RBFOX1: variants seen among roughly 807,000 people sequenced by gnomAD.
The protein encoded by RBFOX1 is RNA binding protein fox-1 homolog 1.
Under a neutral mutation model 57.7 loss-of-function variants are expected in RBFOX1, and 8 were observed. The ratio of observed to expected loss-of-function variants is 0.14; its 90% CI spans 0.08 to 0.25. RBFOX1 has a LOEUF of 0.25. Among genes scored for constraint, RBFOX1 ranks in the 10% least tolerant of loss-of-function variants. The pLI, the probability that RBFOX1 is intolerant of heterozygous loss-of-function variation, is 1.00. For missense variants in RBFOX1, 611 were observed against 548.5 expected (o/e 1.11, Z -1.14); for synonymous variants, 326 against 222.4 (o/e 1.47, Z -4.15).
At chr16:5,761,576 G>C (rs2053591091) in intron 3 of RBFOX1, among the ~76,000 whole-genome samples, 1 of 152,066 alleles carries the variant, frequency 6.6e-6, no homozygotes, top group Admixed American at 6.6e-5. Flanking sequence ...CTTGTGTAGG[G>C]GAACTCCCCT....
At chr16:7,046,764 C>T (rs1184216634) in intron 3 of RBFOX1, among the ~76,000 whole-genome samples, 1 of 151,842 alleles carries the variant, frequency 6.6e-6, no homozygotes, top group Non-Finnish European at 1.5e-5. Context: ...CGCCATCATG[C>T]CCAGCTAATT....
intron 3 of RBFOX1, among the ~76,000 whole-genome samples, chr16:6,893,291 C>T (rs117717340): frequency 0.012 from 1,883 of 152,296 alleles, 21 homozygotes; most frequent in Non-Finnish European, 0.02. Context: ...TCTTAGATTA[C>T]TGGGAGTCGG....
At chr16:5,251,016 T>G (rs1469838784) in intron 1 of RBFOX1, among the ~76,000 whole-genome samples, 2 of 152,194 alleles carry the variant, frequency 1.3e-5, no homozygotes, top group African/African-American at 2.4e-5. Flanking sequence ...CTTCTGCAGA[T>G]GATGGCACGA....
intron 4 of RBFOX1, among the ~76,000 whole-genome samples, chr16:7,395,434 G>T (rs1257868067): frequency 3.9e-5 from 6 of 152,222 alleles, no homozygotes; most frequent in Non-Finnish European, 7.3e-5. Context: ...ATTAACTGTG[G>T]AGCCAGAAGT....
chr16:6,448,682 C>A (rs1187766232), intron 2 of RBFOX1, among the ~76,000 whole-genome samples: 2 of 152,124 alleles, frequency 1.3e-5, no homozygotes, highest in Admixed American at 1.3e-4. Context: ...ATGCTGTCTA[C>A]TCATGAGACT....
At chr16:6,841,752 AC>A (rs1412309895) in intron 3 of RBFOX1, among the ~76,000 whole-genome samples, 3 of 152,110 alleles carry the variant, frequency 2.0e-5, no homozygotes, top group Non-Finnish European at 4.4e-5. Context: ...CTCTACTTAA[AC>A]CTGGACCATG....
intron 3 of RBFOX1, among the ~76,000 whole-genome samples, chr16:5,646,079 G>C (rs1431345527): frequency 6.6e-6 from 1 of 151,880 alleles, no homozygotes; most frequent in Non-Finnish European, 1.5e-5. Flanking sequence ...GCCCAGGTTG[G>C]AGTACGGTGG....
intron 1 of RBFOX1, among the ~76,000 whole-genome samples, chr16:6,173,146 C>G (rs1474423520): frequency 6.6e-6 from 1 of 152,194 alleles, no homozygotes; most frequent in South Asian, 2.1e-4. Flanking sequence ...TTAGTCTCAT[C>G]TGCAAAGTCC....
At chr16:7,676,370 T>C (rs1302029125) in intron 13 of RBFOX1, among the ~76,000 whole-genome samples, 4 of 152,208 alleles carry the variant, frequency 2.6e-5, no homozygotes, top group Non-Finnish European at 5.9e-5. Context: ...AAGAACTGTT[T>C]GAATAAAATT....
chr16:6,433,501 C>T, intron 2 of RBFOX1, among the ~76,000 whole-genome samples: 1 of 152,188 alleles, frequency 6.6e-6, no homozygotes, highest in East Asian at 1.9e-4. Context: ...TCGCTATTCT[C>T]AGAATTTCCC....
intron 4 of RBFOX1, among the ~76,000 whole-genome samples, chr16:7,181,494 C>G (rs865925930): frequency 2.0e-5 from 3 of 151,714 alleles, no homozygotes; most frequent in Non-Finnish European, 4.4e-5. Flanking sequence ...TAACTAAATT[C>G]CTTCCTTCCT....
chr16:6,323,780 T>G (rs573968583), intron 2 of RBFOX1, among the ~76,000 whole-genome samples: 4 of 146,862 alleles, frequency 2.7e-5, no homozygotes, highest in Admixed American at 2.7e-4. Context: ...AGTCTGTGCT[T>G]TTTTTTTTTT....
intron 2 of RBFOX1, among the ~76,000 whole-genome samples, chr16:5,514,686 A>G (rs1027184916): frequency 1.3e-5 from 2 of 152,080 alleles, no homozygotes; most frequent in African/African-American, 4.8e-5. Context: ...TGAAATGACA[A>G]TGATGTCCAC....
At chr16:7,621,187 A>G (rs2059263543) in intron 10 of RBFOX1, among the ~76,000 whole-genome samples, 1 of 152,192 alleles carries the variant, frequency 6.6e-6, no homozygotes, top group Non-Finnish European at 1.5e-5. Flanking sequence ...ATCTTGCAAG[A>G]TAGAACTTAT....
chr16:7,290,639 A>G (rs1302220511), intron 4 of RBFOX1, among the ~76,000 whole-genome samples: 1 of 152,232 alleles, frequency 6.6e-6, no homozygotes, highest in Non-Finnish European at 1.5e-5. Flanking sequence ...ATATTTAACA[A>G]GCATCCACTA....
chr16:5,770,950 ACT>A (rs1468577171), intron 3 of RBFOX1, among the ~76,000 whole-genome samples: 18 of 151,902 alleles, frequency 1.2e-4, no homozygotes, highest in Admixed American at 1.2e-3. Flanking sequence ...TGGCAGGTGA[ACT>A]CTGTTTCCTG....
chr16:5,517,184 G>C (rs1430156077), intron 2 of RBFOX1, among the ~76,000 whole-genome samples: 1 of 152,148 alleles, frequency 6.6e-6, no homozygotes, highest in Non-Finnish European at 1.5e-5. Flanking sequence ...GCTAGCTCAA[G>C]TCAAAGGGGT....
chr16:6,361,784 C>T (rs1016060743), intron 2 of RBFOX1, among the ~76,000 whole-genome samples: 20 of 152,224 alleles, frequency 1.3e-4, no homozygotes, highest in African/African-American at 4.3e-4. Flanking sequence ...AAGATTTCCC[C>T]AGATATTTCT....
chr16:7,012,154 T>C (rs943510672), intron 3 of RBFOX1, among the ~76,000 whole-genome samples: 6 of 152,216 alleles, frequency 3.9e-5, no homozygotes, highest in African/African-American at 2.4e-5. Context: ...GATGAGACTA[T>C]GATCACTATC....
Sources: allele counts gnomAD v4.1 joint callset (sites outside exome capture counted in the v4.1 genomes callset), GRCh38; gene constraint gnomAD v4.1.1; transcripts MANE v1.5; gene names NCBI Gene and HGNC (gene_info 2026-07-23, HGNC 2026-07-21).